The following SOX5 variants were observed in gnomAD, a reference collection of about 807,000 sequenced individuals.
SOX5 encodes transcription factor SOX-5.
SOX5 carries 9 observed loss-of-function variants against 92.0 expected under a neutral mutation model. That is an observed-to-expected ratio of 0.10 (90% CI 0.06 to 0.17). The LOEUF (loss-of-function observed/expected upper bound fraction) is 0.17, where lower values mean the gene tolerates loss of function less well. Ranked by LOEUF, SOX5 falls within the 10% of genes least tolerant of loss-of-function variation. The pLI is 1.00. For missense variants in SOX5, 642 were observed against 944.5 expected (o/e 0.68, Z 4.20); for synonymous variants, 344 against 336.3 (o/e 1.02, Z -0.25).
intron 2 of SOX5, among the ~76,000 whole-genome samples, chr12:23,864,638 C>G (rs916130842): frequency 2.0e-5 from 3 of 152,140 alleles, no homozygotes; most frequent in African/African-American, 7.2e-5. Context: ...AAGCCAAACC[C>G]TAATCCAGAA....
rs540047906 is a variant in SOX5 at position 23,780,216 on chromosome 12, G to A, written c.482-24492C>T. Among the ~76,000 whole-genome samples the A allele has an allele frequency of 1.8e-4, 28 of 151,870 alleles. No individual in the cohort carries two copies. The South Asian group carries it at 2.1e-3, about 11-fold the overall frequency. On this transcript the variant is annotated intron_variant, in intron 3 of 14. Coordinates refer to ENST00000451604, the MANE Select transcript of SOX5 (RefSeq NM_006940.6). ...TTTAATAAAAAGCTGGTTAATTCTC[G>A]TGTCAGCAGAAAGAGTGCTATTTTT...
chr12:23,624,397 T>G (rs2077523072), intron 8 of SOX5, among the ~76,000 whole-genome samples: 1 of 152,112 alleles, frequency 6.6e-6, no homozygotes, highest in East Asian at 1.9e-4. Flanking sequence ...TCACACAAAT[T>G]AGTAAAGTTT....
chr12:24,178,672 T>C (rs1001419585), intron 4 of SOX5, among the ~76,000 whole-genome samples: 1 of 152,168 alleles, frequency 6.6e-6, no homozygotes, highest in African/African-American at 2.4e-5. Context: ...TAAAAAAAAA[T>C]CTTGTTTTCC....
intron 4 of SOX5, among the ~76,000 whole-genome samples, chr12:24,195,288 A>AT (rs944984435): frequency 1.3e-5 from 2 of 152,142 alleles, no homozygotes; most frequent in Non-Finnish European, 1.5e-5. Flanking sequence ...ATAATCATCA[A>AT]TTTTTTTAAA....
chr12:24,410,428 T>C (rs988986332), intron 1 of SOX5, among the ~76,000 whole-genome samples: 7 of 152,234 alleles, frequency 4.6e-5, no homozygotes, highest in African/African-American at 1.7e-4. Context: ...AGAAGTAGTA[T>C]AGTTTTGAGT....
intron 4 of SOX5, among the ~76,000 whole-genome samples, chr12:23,982,682 T>C (rs1008323719): frequency 1.3e-5 from 2 of 151,998 alleles, no homozygotes; most frequent in African/African-American, 2.4e-5. Context: ...CACATATATA[T>C]TATGTTTGTG....
At chr12:23,620,529 T>G (rs996448144) in intron 8 of SOX5, among the ~76,000 whole-genome samples, 1 of 152,132 alleles carries the variant, frequency 6.6e-6, no homozygotes, top group Non-Finnish European at 1.5e-5. Flanking sequence ...ATAATTTATA[T>G]GAAGAATTAA....
chr12:23,879,702 A>C (rs1450865714), intron 2 of SOX5, among the ~76,000 whole-genome samples: 1 of 152,234 alleles, frequency 6.6e-6, no homozygotes, highest in Non-Finnish European at 1.5e-5. Context: ...CAACTTATCA[A>C]GAAAAATGGA....
intron 2 of SOX5, among the ~76,000 whole-genome samples, chr12:24,348,614 C>T (rs1953658713): frequency 6.6e-6 from 1 of 152,082 alleles, no homozygotes; most frequent in African/African-American, 2.4e-5. Flanking sequence ...AACTCCTGAC[C>T]TCAGGTGACT....
chr12:24,400,704 A>T (rs1170394253), intron 1 of SOX5, among the ~76,000 whole-genome samples: 1 of 152,188 alleles, frequency 6.6e-6, no homozygotes, highest in Non-Finnish European at 1.5e-5. Context: ...TAGACTCCCA[A>T]ATTCCATTAG....
At chr12:24,390,461 C>G (rs75573841) in intron 1 of SOX5, among the ~76,000 whole-genome samples, 3,676 of 152,152 alleles carry the variant, frequency 0.024, 70 homozygotes, top group East Asian at 0.048. Context: ...TTAGGGGGTA[C>G]GCATGCAGTT....
chr12:23,766,696 A>G (rs1302202301), intron 3 of SOX5, among the ~76,000 whole-genome samples: 1 of 152,180 alleles, frequency 6.6e-6, no homozygotes, highest in Admixed American at 6.5e-5. Flanking sequence ...ATAATTAAAT[A>G]TTAAATATTA....
intron 4 of SOX5, among the ~76,000 whole-genome samples, chr12:24,019,816 T>G (rs1489668438): frequency 6.6e-6 from 1 of 152,218 alleles, no homozygotes; most frequent in Non-Finnish European, 1.5e-5. Context: ...TCCATTTTAC[T>G]TAACATCATT....
At chr12:24,086,609 G>A (rs1262519382) in intron 4 of SOX5, among the ~76,000 whole-genome samples, 3 of 151,938 alleles carry the variant, frequency 2.0e-5, no homozygotes. Flanking sequence ...TCCTGGTACT[G>A]ATATTTCACC....
chr12:23,957,752 A>T (rs1946444814), intron 4 of SOX5, among the ~76,000 whole-genome samples: 1 of 152,204 alleles, frequency 6.6e-6, no homozygotes, highest in African/African-American at 2.4e-5. Flanking sequence ...GCACAGGATG[A>T]AAATATAATA....
In SOX5 at chr12:23,781,683, C is replaced by G. The variant is rs529511886; in HGVS notation, c.482-25959G>C. Among the ~76,000 whole-genome samples the G allele has an allele frequency of 9.2e-5, 14 of 151,912 alleles. No homozygotes were observed. The South Asian group carries it at 2.9e-3, about 32-fold the overall frequency. ...GTGTTGTACTCTCTCTCTCTCTCTC[C>G]CCCGCTTTTACCCCCTTTCTGGGGT... On this transcript the variant is annotated intron_variant, in intron 3 of 14. Coordinates refer to ENST00000451604, the MANE Select transcript of SOX5 (RefSeq NM_006940.6).
At chr12:23,857,312 G>C (rs2096704097) in intron 2 of SOX5, among the ~76,000 whole-genome samples, 1 of 152,154 alleles carries the variant, frequency 6.6e-6, no homozygotes, top group Non-Finnish European at 1.5e-5. Flanking sequence ...AGGAAGATTA[G>C]TCTAGCAGTG....
chr12:24,266,620 C>T (rs1009248580), intron 3 of SOX5, among the ~76,000 whole-genome samples: 1 of 152,050 alleles, frequency 6.6e-6, no homozygotes, highest in Admixed American at 6.5e-5. Context: ...TAACTTCCTC[C>T]TATTAACTGA....
At chr12:24,332,746 AGTGACCAT>A (rs1951469102) in intron 2 of SOX5, among the ~76,000 whole-genome samples, 1 of 150,530 alleles carries the variant, frequency 6.6e-6, no homozygotes, top group African/African-American at 2.4e-5. Context: ...ATATGAACGT[AGTGACCAT>A]TTGAAATCTA....
Sources: gnomAD v4.1 joint callset for allele counts (sites outside exome capture counted in the v4.1 genomes callset) on GRCh38, gnomAD v4.1.1 for gene constraint, MANE v1.5 for transcripts, NCBI Gene and HGNC (gene_info 2026-07-23, HGNC 2026-07-21) for gene names.